Variants in SDK1 observed in about 807,000 individuals in gnomAD.
The protein encoded by SDK1 is protein sidekick-1.
In SDK1, 157 loss-of-function variants were observed where a neutral mutation model predicts 245.5. The observed-to-expected ratio is 0.64, with a 90% confidence interval of 0.56 to 0.73. The LOEUF is 0.73. Among genes scored for constraint, SDK1 ranks in the 30% least tolerant of loss-of-function variants. The pLI, the probability that SDK1 is intolerant of heterozygous loss-of-function variation, is 0.00. For synonymous variants in SDK1, 1,647 were observed against 1,278.5 expected (o/e 1.29, Z -6.15); for missense variants, 3,583 against 3,002.3 (o/e 1.19, Z -4.52).
In SDK1 at chr7:4,012,831, C is replaced by T. The variant is rs1436023342; in HGVS notation, c.2420+596C>T. Among the ~76,000 whole-genome samples, 5 of 152,048 alleles carry T rather than the reference C, an allele frequency of 3.3e-5. No homozygotes were observed. In the East Asian group the frequency reaches 7.7e-4, roughly 24 times the overall value. ...TCAGGTGACCTGTCCTCCTCAGCCT[C>T]CCAATCCTCAGCTGGGATTACAGGC... On this transcript the variant is annotated intron_variant, in intron 16 of 44. Transcript: ENST00000404826.
chr7:3,519,097 T>A (rs1464552113), intron 1 of SDK1, among the ~76,000 whole-genome samples: 1 of 152,076 alleles, frequency 6.6e-6, no homozygotes, highest in Non-Finnish European at 1.5e-5. Flanking sequence ...AAAAAGAAGT[T>A]GATTTCATAG....
chr7:4,174,429 C>A, intron 33 of SDK1, 72 bp downstream of exon 33: 1 of 1,478,892 alleles, frequency 6.8e-7, no homozygotes, highest in Admixed American at 1.7e-5. Context: ...GCTCAGTGCA[C>A]ATCATGGTGG....
chr7:3,659,210 A>G (rs752039710), intron 4 of SDK1, among the ~76,000 whole-genome samples: 1 of 151,970 alleles, frequency 6.6e-6, no homozygotes, highest in African/African-American at 2.4e-5. Context: ...CTGTGGGGGT[A>G]AAGAAGGGAC....
chr7:4,265,153 G>A lies in SDK1; in HGVS notation c.6411G>A (p.Leu2137=), dbSNP rs367844831. The change falls in exon 45 of 45, where the codon CTG becomes CTA. Residue 2137 remains leucine, a synonymous_variant. Transcript: ENST00000404826. ...CGGACTCTGACTACGAGGACGCGCT[G>A]CCCAAGCACTCCTTCGTGAACCACT... ...EATDSDYEDA[L]PKHSFVNHYM... is the part of the protein sequence containing the mutation. 3.7e-6 allele frequency: 6 copies of A among 1,612,228 alleles called. No homozygotes were observed. In the African/African-American group the frequency reaches 4.0e-5, roughly 11 times the overall value.
chr7:4,037,435 A>G (rs924960980), intron 17 of SDK1, among the ~76,000 whole-genome samples: 9 of 152,142 alleles, frequency 5.9e-5, no homozygotes, highest in African/African-American at 1.9e-4. Flanking sequence ...CTTGGGCCGC[A>G]TAGTGAGACC....
chr7:3,983,804 C>G (rs1247288492), intron 13 of SDK1, among the ~76,000 whole-genome samples: 1 of 152,110 alleles, frequency 6.6e-6, no homozygotes, highest in Non-Finnish European at 1.5e-5. Flanking sequence ...TGCTTGAGTC[C>G]TGTGATTTAC....
chr7:3,378,785 A>G (rs1417977335), intron 1 of SDK1, among the ~76,000 whole-genome samples: 2 of 143,226 alleles, frequency 1.4e-5, no homozygotes, highest in South Asian at 2.3e-4. Flanking sequence ...ATAGCGGGGC[A>G]GGGTATTCAC....
At chr7:3,749,132 A>G (rs1464402495) in intron 4 of SDK1, among the ~76,000 whole-genome samples, 1 of 152,020 alleles carries the variant, frequency 6.6e-6, no homozygotes, top group Non-Finnish European at 1.5e-5. Flanking sequence ...TAAGGAGAAC[A>G]TCACCTCTTT....
At chr7:3,604,097 G>T (rs557861005) in intron 1 of SDK1, among the ~76,000 whole-genome samples, 2 of 152,274 alleles carry the variant, frequency 1.3e-5, no homozygotes, top group Admixed American at 1.3e-4. Flanking sequence ...GTATTTTATT[G>T]AGGATTTTTG....
chr7:4,122,761 A>G (rs1265847507), intron 25 of SDK1, among the ~76,000 whole-genome samples: 1 of 152,186 alleles, frequency 6.6e-6, no homozygotes, highest in African/African-American at 2.4e-5. Context: ...TGAAAGGGGA[A>G]TTCCCAAGAA....
chr7:3,949,508 G>A (rs1294706874), intron 5 of SDK1, among the ~76,000 whole-genome samples: 2 of 152,186 alleles, frequency 1.3e-5, no homozygotes, highest in Admixed American at 6.5e-5. Flanking sequence ...CTCCGCTGCC[G>A]CTCACGATGG....
chr7:3,497,084 G>A (rs541178230), intron 1 of SDK1, among the ~76,000 whole-genome samples: 1 of 152,262 alleles, frequency 6.6e-6, no homozygotes, highest in East Asian at 1.9e-4. Flanking sequence ...TTCTAGAGAA[G>A]AATGTTTATT....
At chr7:3,851,326 T>C (rs1269898764) in intron 5 of SDK1, among the ~76,000 whole-genome samples, 1 of 152,200 alleles carries the variant, frequency 6.6e-6, no homozygotes, top group African/African-American at 2.4e-5. Context: ...AATTATTCTA[T>C]TTTCATATTT....
chr7:3,333,917 G>A (rs968837889), intron 1 of SDK1, among the ~76,000 whole-genome samples: 1 of 152,206 alleles, frequency 6.6e-6, no homozygotes, highest in African/African-American at 2.4e-5. Flanking sequence ...CCTAGCCCAG[G>A]CATGGGGCTG....
intron 4 of SDK1, among the ~76,000 whole-genome samples, chr7:3,682,737 A>G (rs1583303257): frequency 6.7e-6 from 1 of 149,078 alleles, no homozygotes; most frequent in African/African-American, 2.5e-5. Context: ...TTTTTTTTTT[A>G]AACAGAGTTT....
At chr7:4,001,112 CGTGGGAGTGCCT>C (rs1785044860) in intron 14 of SDK1, among the ~76,000 whole-genome samples, 4 of 152,152 alleles carry the variant, frequency 2.6e-5, no homozygotes, top group Admixed American at 2.0e-4. Flanking sequence ...TAACTTCCTG[CGTGGGAGTGCCT>C]GTGGTGACCG....
At chr7:3,812,113 C>G (rs1421927619) in intron 4 of SDK1, among the ~76,000 whole-genome samples, 1 of 152,154 alleles carries the variant, frequency 6.6e-6, no homozygotes, top group Non-Finnish European at 1.5e-5. Context: ...GTATGTCTTC[C>G]CTGGACAGTG....
chr7:3,823,935 C>T (rs999411557), intron 5 of SDK1, among the ~76,000 whole-genome samples: 2 of 146,964 alleles, frequency 1.4e-5, no homozygotes, highest in South Asian at 2.2e-4. Context: ...ACCAATTATG[C>T]TTTTTTGTTT....
intron 6 of SDK1, 115 bp from the exon 7 acceptor site, chr7:3,951,615 A>G (rs1583615092): frequency 1.2e-6 from 1 of 855,732 alleles, no homozygotes; most frequent in East Asian, 2.5e-5. Flanking sequence ...TGTTCAACCC[A>G]CCATGCACCC....
Sources: allele counts gnomAD v4.1 joint callset (sites outside exome capture counted in the v4.1 genomes callset), GRCh38; gene constraint gnomAD v4.1.1; transcripts MANE v1.5; gene names NCBI Gene and HGNC (gene_info 2026-07-23, HGNC 2026-07-21).